Variants in GPC6 observed in about 807,000 individuals in gnomAD.
GPC6 encodes the protein glypican 6, also known as glypican-6.
A neutral mutation model predicts 55.2 loss-of-function variants in GPC6; 14 were observed. That is an observed-to-expected ratio of 0.25 (90% CI 0.17 to 0.40). The LOEUF (loss-of-function observed/expected upper bound fraction) is 0.40. Ranked by LOEUF, GPC6 falls within the 10% of genes least tolerant of loss-of-function variation. The probability of loss-of-function intolerance (pLI) is 1.00; values close to 1 mark genes in which losing one functional copy is unlikely to be tolerated. For synonymous variants in GPC6, 278 were observed against 259.6 expected (o/e 1.07, Z -0.68); for missense variants, 641 against 708.5 (o/e 0.90, Z 1.08).
In GPC6 at chr13:93,242,586, C is replaced by T. The variant is rs117876958; in HGVS notation, c.160+14970C>T. Among the ~76,000 whole-genome samples the T allele has an allele frequency of 5.3e-4, 80 of 152,250 alleles. 1 individual carries two copies. The East Asian group carries it at 0.013, about 25-fold the overall frequency. On this transcript the variant is annotated intron_variant, in intron 1 of 8. Coordinates refer to ENST00000377047, the MANE Select transcript of GPC6 (RefSeq NM_005708.5). The stretch of plus-strand genomic sequence containing the variant: ...GCAGTGGGTGAGGGGGAGAAGTCCC[C>T]TCTACGTCACTTCATGAGTACTGGG...
upstream of GPC6, among the ~76,000 whole-genome samples, chr13:93,225,629 TGA>T (rs1875752150): frequency 6.6e-6 from 1 of 152,134 alleles, no homozygotes; most frequent in Non-Finnish European, 1.5e-5. Flanking sequence ...GGTTGAATCT[TGA>T]GAGTCTTTTT....
chr13:93,950,489 G>A (rs181179024), intron 3 of GPC6, among the ~76,000 whole-genome samples: 4 of 152,128 alleles, frequency 2.6e-5, no homozygotes, highest in Non-Finnish European at 5.9e-5. Flanking sequence ...CCTTCTGACC[G>A]GTATATTCAG....
At chr13:94,305,104 A>G (rs1386958279) in intron 5 of GPC6, among the ~76,000 whole-genome samples, 1 of 152,250 alleles carries the variant, frequency 6.6e-6, no homozygotes, top group Non-Finnish European at 1.5e-5. Context: ...TCCTGAAATC[A>G]TCCTGTGGAG....
chr13:93,721,953 C>T (rs533207526), intron 2 of GPC6, among the ~76,000 whole-genome samples: 11 of 151,844 alleles, frequency 7.2e-5, no homozygotes, highest in Admixed American at 1.3e-4. Flanking sequence ...TTGAAAAATT[C>T]TAAGTAATGT....
intron 4 of GPC6, among the ~76,000 whole-genome samples, chr13:94,086,195 G>A (rs1278722220): frequency 6.6e-6 from 1 of 152,162 alleles, no homozygotes; most frequent in African/African-American, 2.4e-5. Flanking sequence ...TTAGAAAAGA[G>A]GATTACATAA....
chr13:93,991,444 T>C (rs906060963), intron 3 of GPC6, among the ~76,000 whole-genome samples: 1 of 152,200 alleles, frequency 6.6e-6, no homozygotes, highest in African/African-American at 2.4e-5. Flanking sequence ...ATCCTTTGTT[T>C]GAGAGTAGAT....
intron 3 of GPC6, among the ~76,000 whole-genome samples, chr13:94,027,514 T>G (rs987099069): frequency 6.6e-6 from 1 of 152,076 alleles, no homozygotes; most frequent in East Asian, 1.9e-4. Flanking sequence ...AGGGCTGAAT[T>G]ACAATGACAT....
chr13:93,676,608 G>A (rs1237367570), intron 2 of GPC6, among the ~76,000 whole-genome samples: 4 of 151,974 alleles, frequency 2.6e-5, no homozygotes, highest in African/African-American at 9.7e-5. Flanking sequence ...GCCAGTAGAT[G>A]ATAAACTTCA....
chr13:93,811,555 G>A (rs1031664703), intron 2 of GPC6, among the ~76,000 whole-genome samples: 2 of 151,754 alleles, frequency 1.3e-5, no homozygotes, highest in Non-Finnish European at 1.5e-5. Flanking sequence ...CTTGGCTTAC[G>A]TAGACATTCC....
At chr13:94,169,410 G>GT (rs563009912) in intron 4 of GPC6, among the ~76,000 whole-genome samples, 20 of 152,142 alleles carry the variant, frequency 1.3e-4, no homozygotes, top group Non-Finnish European at 2.8e-4. Flanking sequence ...GTAATCAGGG[G>GT]TGGTATTTAG....
At chr13:94,284,192 C>T (rs1892466325) in intron 4 of GPC6, among the ~76,000 whole-genome samples, 1 of 152,152 alleles carries the variant, frequency 6.6e-6, no homozygotes, top group Non-Finnish European at 1.5e-5. Context: ...CGCCTGGGGC[C>T]TGGGGTCAAA....
chr13:93,636,253 G>A (rs1419054361), intron 2 of GPC6, among the ~76,000 whole-genome samples: 1 of 152,134 alleles, frequency 6.6e-6, no homozygotes, highest in Non-Finnish European at 1.5e-5. Context: ...GTGCTCAGAC[G>A]TCATTGGAGT....
At chr13:93,237,309 TC>T (rs1436740318) in intron 1 of GPC6, among the ~76,000 whole-genome samples, 1 of 151,660 alleles carries the variant, frequency 6.6e-6, no homozygotes, top group Non-Finnish European at 1.5e-5. Flanking sequence ...AATTTTCATT[TC>T]CATGATAATT....
rs9556295 is a variant in GPC6, at chr13:93,461,504, T to A, written c.161-83759T>A. ...ACTGATTTCCAAAAGGGTACCTACA[T>A]ACTGTTTCACTATATAAGTATAGCA... On this transcript the variant is annotated intron_variant, in intron 1 of 8. Transcript: ENST00000377047. Among the ~76,000 whole-genome samples the A allele has an allele frequency of 0.012, 1,771 of 152,292 alleles. 216 individuals carry two copies. In the East Asian group the frequency reaches 0.28, roughly 24 times the overall value.
At chr13:93,953,218 A>C (rs1366040680) in intron 3 of GPC6, among the ~76,000 whole-genome samples, 1 of 151,736 alleles carries the variant, frequency 6.6e-6, no homozygotes, top group Non-Finnish European at 1.5e-5. Flanking sequence ...CCCATCTACC[A>C]CTGTGATTGT....
intron 2 of GPC6, among the ~76,000 whole-genome samples, chr13:93,629,174 A>G (rs1879329551): frequency 6.6e-6 from 1 of 152,180 alleles, no homozygotes; most frequent in African/African-American, 2.4e-5. Context: ...CCTTCAGGAA[A>G]AGGTTAAACA....
intron 2 of GPC6, among the ~76,000 whole-genome samples, chr13:93,627,815 G>GT (rs1432324174): frequency 3.3e-5 from 5 of 152,120 alleles, no homozygotes; most frequent in African/African-American, 7.2e-5. Flanking sequence ...GTTTTATTTT[G>GT]TTTTTTCAGA....
intron 2 of GPC6, among the ~76,000 whole-genome samples, chr13:93,630,690 T>C (rs1166493994): frequency 1.3e-5 from 2 of 152,174 alleles, no homozygotes; most frequent in Non-Finnish European, 2.9e-5. Context: ...ATGGATAATC[T>C]ATAGCAGCAA....
chr13:94,097,875 T>C (rs1368719854), intron 4 of GPC6, among the ~76,000 whole-genome samples: 1 of 152,212 alleles, frequency 6.6e-6, no homozygotes, highest in African/African-American at 2.4e-5. Flanking sequence ...ACCTATTGAC[T>C]ACTACAACCA....
Sources: allele counts gnomAD v4.1 joint callset (sites outside exome capture counted in the v4.1 genomes callset), GRCh38; gene constraint gnomAD v4.1.1; transcripts MANE v1.5; gene names NCBI Gene and HGNC (gene_info 2026-07-23, HGNC 2026-07-21).